The following EPB41L4B variants were observed in gnomAD, a reference collection of about 807,000 sequenced individuals.
The protein encoded by EPB41L4B is band 4.1-like protein 4B.
A neutral mutation model predicts 112.5 loss-of-function variants in EPB41L4B; 30 were observed. The observed-to-expected ratio is 0.27, with a 90% CI of 0.20 to 0.36. The LOEUF (loss-of-function observed/expected upper bound fraction) is 0.36. Ranked by LOEUF, EPB41L4B falls within the 10% of genes least tolerant of loss-of-function variation. The pLI, the probability that EPB41L4B is intolerant of heterozygous loss-of-function variation, is 1.00. For missense variants in EPB41L4B, 1,024 were observed against 1,133.3 expected (o/e 0.90, Z 1.38); for synonymous variants, 408 against 439.7 (o/e 0.93, Z 0.90).
chr9:109,280,503 G>A (rs575767336), intron 1 of EPB41L4B, among the ~76,000 whole-genome samples: 1 of 152,218 alleles, frequency 6.6e-6, no homozygotes, highest in East Asian at 1.9e-4. Context: ...GAAAGCAGTC[G>A]GAGAAACAAG....
chr9:109,276,491 G>T (rs1835834779), intron 2 of EPB41L4B, among the ~76,000 whole-genome samples: 1 of 152,212 alleles, frequency 6.6e-6, no homozygotes, highest in Non-Finnish European at 1.5e-5. Context: ...CCTGGGAACT[G>T]CTGCTGCCGC....
At chr9:109,260,416 T>G (rs918983930) in intron 6 of EPB41L4B, among the ~76,000 whole-genome samples, 8 of 145,084 alleles carry the variant, frequency 5.5e-5, no homozygotes, top group Non-Finnish European at 1.1e-4. Flanking sequence ...GTATCTTTTT[T>G]TTTTTTTTTT....
chr9:109,313,777 AAG>A (rs1224139192), intron 1 of EPB41L4B, among the ~76,000 whole-genome samples: 3 of 152,172 alleles, frequency 2.0e-5, no homozygotes, highest in Non-Finnish European at 4.4e-5. Context: ...CCTCACCCTA[AAG>A]AGATACAAGC....
At chr9:109,260,069 TTTTTC>T (rs948882961) in intron 6 of EPB41L4B, among the ~76,000 whole-genome samples, 21 of 152,164 alleles carry the variant, frequency 1.4e-4, no homozygotes, top group African/African-American at 4.1e-4. Flanking sequence ...ATCTTCAGTG[TTTTTC>T]TTTTCTTTTC....
intron 14 of EPB41L4B, among the ~76,000 whole-genome samples, chr9:109,245,265 G>A (rs1039236832): frequency 1.3e-5 from 2 of 152,200 alleles, no homozygotes; most frequent in Non-Finnish European, 2.9e-5. Context: ...TTCAACAATA[G>A]AGAAAGGCTG....
At chr9:109,235,894 A>C (rs748112012) in intron 15 of EPB41L4B, among the ~76,000 whole-genome samples, 1 of 152,378 alleles carries the variant, frequency 6.6e-6, no homozygotes, top group South Asian at 2.1e-4. Flanking sequence ...TGAGGTGTCC[A>C]GAAGAAATTG....
At chr9:109,256,895 T>G (rs1835003476) in intron 7 of EPB41L4B, among the ~76,000 whole-genome samples, 1 of 152,118 alleles carries the variant, frequency 6.6e-6, no homozygotes, top group African/African-American at 2.4e-5. Flanking sequence ...TGAGCCAAGA[T>G]CCAAGATCGT....
intron 1 of EPB41L4B, among the ~76,000 whole-genome samples, chr9:109,304,833 C>T (rs1038713701): frequency 1.3e-5 from 2 of 152,096 alleles, no homozygotes; most frequent in Non-Finnish European, 2.9e-5. Flanking sequence ...TACCCAGGGA[C>T]AGCAAATCCA....
intron 25 of EPB41L4B, among the ~76,000 whole-genome samples, chr9:109,175,795 C>T (rs551180930): frequency 3.9e-5 from 6 of 152,178 alleles, no homozygotes; most frequent in Non-Finnish European, 8.8e-5. Flanking sequence ...TCACAGGCCT[C>T]CTCTATTGTC....
At chr9:109,206,303 C>T (rs968961277) in intron 18 of EPB41L4B, among the ~76,000 whole-genome samples, 3 of 152,178 alleles carry the variant, frequency 2.0e-5, no homozygotes, top group African/African-American at 7.2e-5. Context: ...CCTGCCTCAG[C>T]CTCCCGAGTA....
intron 15 of EPB41L4B, chr9:109,239,676 G>A (rs1834284639): frequency 4.5e-6 from 1 of 221,368 alleles, no homozygotes; most frequent in Non-Finnish European, 7.6e-6. Flanking sequence ...GATATCATAA[G>A]TATGCATACT....
At position 109,240,589 on chromosome 9, in the gene EPB41L4B, A is replaced by G. The variant is rs183413144; in HGVS notation, c.1409+3029T>C. On this transcript the variant is annotated intron_variant, in intron 15 of 25. Transcript: ENST00000374566. ...TTGACTCAGGGCTTGAAATGGGGGA[A>G]ATAAATATTTTGGTACAAGCTTTAA... is the stretch of plus-strand genomic sequence containing the variant. 4.5e-4 allele frequency: 443 copies of G among 985,410 alleles called. No individual in the cohort carries two copies. The African/African-American group carries it at 7.0e-3, about 16-fold the overall frequency. 61.0% of individuals were successfully genotyped at this position (985,410 alleles called of 1,614,324 possible). A position where few individuals can be genotyped will look rare whatever the true frequency, so the allele number is the denominator to read the frequency against.
chr9:109,247,816 G>T, intron 13 of EPB41L4B, 27 bp from the exon 14 acceptor site: 1 of 1,409,904 alleles, frequency 7.1e-7, no homozygotes, highest in South Asian at 1.5e-5. Flanking sequence ...ACAAAAAACA[G>T]AAAAAAAAAG....
rs907171747 is a variant in EPB41L4B at position 109,251,577 on chromosome 9, A to C, written c.1280-66T>G. 6.3e-6 allele frequency: 9 copies of C among 1,426,644 alleles called. No homozygotes were observed. The African/African-American group carries it at 1.3e-4, about 20-fold the overall frequency. 88.4% of individuals were successfully genotyped at this position (1,426,644 alleles called of 1,614,324 possible). On this transcript the variant is annotated intron_variant, in intron 12 of 25. Transcript: ENST00000374566. ...TTTATCGCTTTCACCATGCAATGACAGATAATGGCCATGCGAGACTTCTAC... is the reference window on the plus strand; with the variant it reads ...TTTATCGCTTTCACCATGCAATGACCGATAATGGCCATGCGAGACTTCTAC...
At chr9:109,192,989 C>A (rs1221074588) in intron 21 of EPB41L4B, among the ~76,000 whole-genome samples, 1 of 152,184 alleles carries the variant, frequency 6.6e-6, no homozygotes, top group Admixed American at 6.5e-5. Context: ...GCCACCCCAA[C>A]CCCCTTCTGT....
intron 23 of EPB41L4B, among the ~76,000 whole-genome samples, chr9:109,185,088 A>G (rs988046397): frequency 2.0e-5 from 3 of 152,268 alleles, no homozygotes; most frequent in Non-Finnish European, 4.4e-5. Flanking sequence ...ATTGTCAGGT[A>G]GCACTCCTAT....
At chr9:109,311,446 T>C (rs1306821668) in intron 1 of EPB41L4B, among the ~76,000 whole-genome samples, 2 of 152,050 alleles carry the variant, frequency 1.3e-5, no homozygotes, top group African/African-American at 2.4e-5. Flanking sequence ...AGCTGCAGGG[T>C]AGACCATTCC....
Position 109,182,809 on chromosome 9 carries a change from A to G in EPB41L4B, c.2419-12T>C, listed in dbSNP as rs775045977. On this transcript the variant is annotated splice_polypyrimidine_tract_variant and intron_variant, in intron 23 of 25. Coordinates refer to ENST00000374566, the MANE Select transcript of EPB41L4B (RefSeq NM_019114.5). ...GGGAATGTTTTTATCTTCAAAAGAGAGAAAGACAAGGGGGTTACCTTCAGA... is the reference window on the plus strand; with the variant it reads ...GGGAATGTTTTTATCTTCAAAAGAGGGAAAGACAAGGGGGTTACCTTCAGA... The G allele has an allele frequency of 8.2e-6, 13 of 1,591,776 alleles. No individual in the cohort carries two copies. The highest frequency in any genetic ancestry group is 1.7e-4 in the Middle Eastern group (1 of 6,010).
chr9:109,231,755 G>A (rs1013687715), intron 15 of EPB41L4B, among the ~76,000 whole-genome samples: 1 of 152,202 alleles, frequency 6.6e-6, no homozygotes, highest in Admixed American at 6.5e-5. Flanking sequence ...CTGCCAGAAA[G>A]GCTGTTGTGT....
Sources: allele counts gnomAD v4.1 joint callset (sites outside exome capture counted in the v4.1 genomes callset), GRCh38; gene constraint gnomAD v4.1.1; transcripts MANE v1.5; gene names NCBI Gene and HGNC (gene_info 2026-07-23, HGNC 2026-07-21).